The following ARFIP1 variants were observed in gnomAD, a reference collection of about 807,000 sequenced individuals.
ARFIP1 encodes arfaptin-1.
ARFIP1 carries 24 observed loss-of-function variants against 42.5 expected under a neutral mutation model. The ratio of observed to expected loss-of-function variants is 0.57; its 90% CI spans 0.41 to 0.80. The LOEUF (loss-of-function observed/expected upper bound fraction) is 0.80, where lower values mean the gene tolerates loss of function less well. Among genes scored for constraint, ARFIP1 ranks in the 30% least tolerant of loss-of-function variants. The pLI is 0.00. For missense variants in ARFIP1, 354 were observed against 434.0 expected (o/e 0.82, Z 1.64); for synonymous variants, 141 against 153.7 (o/e 0.92, Z 0.61).
chr4:152,837,551 T>C (rs970345457), intron 2 of ARFIP1, among the ~76,000 whole-genome samples: 4 of 152,378 alleles, frequency 2.6e-5, no homozygotes, highest in Admixed American at 2.6e-4. Flanking sequence ...TTTTTTCATA[T>C]GTTTGTTGGC....
chr4:152,908,190 T>C (rs532440209), intron 8 of ARFIP1, among the ~76,000 whole-genome samples: 14 of 152,374 alleles, frequency 9.2e-5, no homozygotes, highest in African/African-American at 3.1e-4. Flanking sequence ...TTAATTGGGC[T>C]GTTTTTGGTT....
In ARFIP1 at chr4:152,842,678, C is replaced by G. The variant is rs536471586; in HGVS notation, c.93+12952C>G. Among the ~76,000 whole-genome samples the G allele has an allele frequency of 1.4e-4, 21 of 152,192 alleles. No individual in the cohort carries two copies. In the East Asian group the frequency reaches 3.9e-3, roughly 28 times the overall value. On this transcript the variant is annotated intron_variant, in intron 2 of 8. Transcript: ENST00000353617. The stretch of plus-strand genomic sequence containing the variant: ...GACCTTGCCTTCGAGCTCGGAATTT[C>G]TTTCTTCTACTTGTTCAATTCTGTT...
intron 2 of ARFIP1, among the ~76,000 whole-genome samples, chr4:152,838,753 C>A (rs1379132026): frequency 6.6e-6 from 1 of 152,012 alleles, no homozygotes; most frequent in African/African-American, 2.4e-5. Context: ...TCCTCTTTAC[C>A]AATTTGGATG....
At chr4:152,858,989 C>T (rs1247401663) in intron 2 of ARFIP1, among the ~76,000 whole-genome samples, 1 of 152,032 alleles carries the variant, frequency 6.6e-6, no homozygotes, top group Non-Finnish European at 1.5e-5. Context: ...TTGAGAGACC[C>T]ATTTGAGACC....
At chr4:152,850,698 G>A (rs542086338) in intron 2 of ARFIP1, 1 of 152,172 alleles carries the variant, frequency 6.6e-6, no homozygotes, top group Non-Finnish European at 1.5e-5. Flanking sequence ...TTTTTAACAG[G>A]ATCCTCAGGT....
intron 6 of ARFIP1, among the ~76,000 whole-genome samples, chr4:152,881,941 G>A (rs1047955325): frequency 6.6e-6 from 1 of 152,076 alleles, no homozygotes; most frequent in African/African-American, 2.4e-5. Context: ...AAAGTGTTTT[G>A]TAACAAACTG....
intron 5 of ARFIP1, among the ~76,000 whole-genome samples, chr4:152,873,251 A>G (rs1187713714): frequency 1.3e-5 from 2 of 152,228 alleles, no homozygotes; most frequent in African/African-American, 2.4e-5. Flanking sequence ...ATTAGCCACA[A>G]TTCTCCCTAT....
chr4:152,880,970 G>T lies in ARFIP1; in HGVS notation c.419G>T (p.Arg140Leu). The change falls in exon 6 of 9, where the codon CGA becomes CTA. Residue 140 changes from arginine to leucine, a missense_variant. Coordinates refer to ENST00000353617, the MANE Select transcript of ARFIP1 (RefSeq NM_001025595.3). The stretch of plus-strand genomic sequence containing the variant: ...TGCATCTTCCACTTTTAGTGTACTC[G>T]ACAGATTATCTCTGAGAAGCTAGGC... ...KWSLNTYKCT[R>L]QIISEKLGRG... 2 of 1,610,984 alleles carry T rather than the reference G, an allele frequency of 1.2e-6. No individual in the cohort carries two copies. The highest frequency in any genetic ancestry group is 2.2e-5 in the South Asian group (2 of 90,684).
At chr4:152,846,707 A>C (rs1732564499) in intron 2 of ARFIP1, among the ~76,000 whole-genome samples, 1 of 152,210 alleles carries the variant, frequency 6.6e-6, no homozygotes, top group South Asian at 2.1e-4. Flanking sequence ...GAGATCTCAT[A>C]TGTAAAACTG....
intron 7 of ARFIP1, among the ~76,000 whole-genome samples, chr4:152,883,835 G>T (rs1167889531): frequency 6.6e-6 from 1 of 151,264 alleles, no homozygotes; most frequent in East Asian, 1.9e-4. Context: ...CCCTTTTGAG[G>T]TTTTTTTCTT....
rs749340196 is a variant in ARFIP1 at position 152,910,196 on chromosome 4, C to T, written c.1099C>T (p.Pro367Ser). The T allele has an allele frequency of 6.2e-7, 1 of 1,613,396 alleles. No individual in the cohort carries two copies. The highest frequency in any genetic ancestry group is 8.5e-7 in the Non-Finnish European group (1 of 1,179,788). Residue 367 changes from proline to serine, a missense_variant, in exon 9 of 9, where the codon CCA (proline) becomes TCA (serine). By Grantham distance (74) the Pro-to-Ser change is moderately conservative (BLOSUM62 -1). Coordinates refer to ENST00000353617, the MANE Select transcript of ARFIP1 (RefSeq NM_001025595.3). ...ATTGAAAACCCCTGGAGTGGATGCCCCATCTTGGCTTGAAGAACAGTAAAA... is the reference window on the plus strand; with the variant it reads ...ATTGAAAACCCCTGGAGTGGATGCCTCATCTTGGCTTGAAGAACAGTAAAA... ...IKLKTPGVDAPSWLEEQ is the reference protein window; with the variant it reads ...IKLKTPGVDASSWLEEQ
chr4:152,792,010 TG>T (rs2149816215), intron 1 of ARFIP1, among the ~76,000 whole-genome samples: 1 of 152,248 alleles, frequency 6.6e-6, no homozygotes, highest in Non-Finnish European at 1.5e-5. Context: ...TGAGAAAAGA[TG>T]GGCATATTCC....
intron 8 of ARFIP1, among the ~76,000 whole-genome samples, chr4:152,897,572 G>A (rs1737448651): frequency 6.6e-6 from 1 of 152,118 alleles, no homozygotes; most frequent in African/African-American, 2.4e-5. Flanking sequence ...TTGGAGGTGA[G>A]GGAATTGTTC....
At chr4:152,866,237 A>C (rs1194825419) in intron 3 of ARFIP1, among the ~76,000 whole-genome samples, 1 of 152,276 alleles carries the variant, frequency 6.6e-6, no homozygotes, top group Non-Finnish European at 1.5e-5. Flanking sequence ...TTCTTAGTAC[A>C]GAAAAAATGA....
chr4:152,854,892 G>T (rs547300084), intron 2 of ARFIP1, among the ~76,000 whole-genome samples: 1 of 152,200 alleles, frequency 6.6e-6, no homozygotes, highest in African/African-American at 2.4e-5. Context: ...GGTATATGCC[G>T]GCACCAGTGT....
intron 1 of ARFIP1, among the ~76,000 whole-genome samples, chr4:152,801,249 C>T (rs1256812328): frequency 1.3e-5 from 2 of 152,098 alleles, no homozygotes; most frequent in African/African-American, 4.8e-5. Flanking sequence ...AATGGTAGCC[C>T]TTCTGAGGAG....
intron 2 of ARFIP1, among the ~76,000 whole-genome samples, chr4:152,850,907 G>A (rs1432423275): frequency 1.3e-5 from 2 of 152,194 alleles, no homozygotes; most frequent in African/African-American, 2.4e-5. Flanking sequence ...ACAGAACTGG[G>A]GATGTGGAGG....
intron 2 of ARFIP1, among the ~76,000 whole-genome samples, chr4:152,849,918 A>T (rs1209520566): frequency 6.6e-6 from 1 of 150,734 alleles, no homozygotes; most frequent in Non-Finnish European, 1.5e-5. Context: ...AGAAATGAAG[A>T]TGTTAATGAA....
At chr4:152,901,785 TA>T (rs1737858560) in intron 8 of ARFIP1, among the ~76,000 whole-genome samples, 1 of 152,238 alleles carries the variant, frequency 6.6e-6, no homozygotes, top group African/African-American at 2.4e-5. Context: ...GAAGATTATA[TA>T]AAAGTTTAAT....
Sources: gnomAD v4.1 joint callset for allele counts (sites outside exome capture counted in the v4.1 genomes callset) on GRCh38, gnomAD v4.1.1 for gene constraint, MANE v1.5 for transcripts, NCBI Gene and HGNC (gene_info 2026-07-23, HGNC 2026-07-21) for gene names.